Variants in UBE3A observed in about 807,000 individuals in gnomAD.
The protein encoded by UBE3A is ubiquitin-protein ligase E3A.
A neutral mutation model predicts 83.4 loss-of-function variants in UBE3A; 6 were observed. The ratio of observed to expected loss-of-function variants is 0.07; its 90% confidence interval spans 0.04 to 0.14. The LOEUF (loss-of-function observed/expected upper bound fraction) is 0.14, where lower values mean the gene tolerates loss of function less well. UBE3A is among the 10% of genes least tolerant of loss of function. UBE3A has a pLI of 1.00. For missense variants in UBE3A, 456 were observed against 1,036.1 expected (o/e 0.44, Z 7.69); for synonymous variants, 337 against 355.4 (o/e 0.95, Z 0.58).
At chr15:25,416,121 T>G (rs2090872296) in intron 1 of UBE3A, among the ~76,000 whole-genome samples, 2 of 152,142 alleles carry the variant, frequency 1.3e-5, no homozygotes, top group African/African-American at 4.8e-5. Flanking sequence ...GAGTATACAC[T>G]AAATATATGC....
chr15:25,376,065 T>C (rs1428798247), intron 4 of UBE3A, among the ~76,000 whole-genome samples: 2 of 152,098 alleles, frequency 1.3e-5, no homozygotes, highest in African/African-American at 4.8e-5. Context: ...TGTGCTTAAG[T>C]TGTTTAGTAC....
intron 4 of UBE3A, among the ~76,000 whole-genome samples, chr15:25,403,435 T>TAC (rs371327639): frequency 0.013 from 1,908 of 151,408 alleles, 27 homozygotes; most frequent in Middle Eastern, 0.034. Flanking sequence ...ACTATTGAAG[T>TAC]ACACACACAC....
At chr15:25,345,926 T>C (rs891269009) in intron 11 of UBE3A, 17 of 151,928 alleles carry the variant, frequency 1.1e-4, no homozygotes, top group African/African-American at 4.1e-4. Context: ...AACAGAACAA[T>C]AATACCAGAA....
intron 4 of UBE3A, among the ~76,000 whole-genome samples, chr15:25,402,034 A>C (rs1007644718): frequency 3.3e-5 from 5 of 152,154 alleles, no homozygotes; most frequent in Admixed American, 3.3e-4. Context: ...CAGTTCATAT[A>C]TCTCCATTTC....
At chr15:25,410,701 T>C (rs535444870) in intron 2 of UBE3A, among the ~76,000 whole-genome samples, 25 of 152,292 alleles carry the variant, frequency 1.6e-4, no homozygotes, top group African/African-American at 5.5e-4. Context: ...TAGGTGAGGA[T>C]TGGCCTGAAT....
chr15:25,432,520 G>A (rs546311070), intron 1 of UBE3A, among the ~76,000 whole-genome samples: 1 of 152,184 alleles, frequency 6.6e-6, no homozygotes. Flanking sequence ...AATATGAAAA[G>A]GAACATCCTG....
chr15:25,406,856 G>GAAAA (rs11413336), intron 3 of UBE3A, among the ~76,000 whole-genome samples: 5 of 114,672 alleles, frequency 4.4e-5, no homozygotes, highest in Non-Finnish European at 5.0e-5. Flanking sequence ...AATGGAAAAG[G>GAAAA]AAAAAAAAAA....
chr15:25,370,746 T>A lies in UBE3A; in HGVS notation c.1428A>T (p.Thr476=). The part of the protein sequence containing the change: ...VETENKFSFM[T]CPFILNAVTK... ...TGACAGCATTCAATATAAAGGGACATGTCATAAAAGAGAATTTGTTCTCTG... is the reference window on the plus strand; with the variant it reads ...TGACAGCATTCAATATAAAGGGACAAGTCATAAAAGAGAATTTGTTCTCTG... Residue 476 remains threonine, a synonymous_variant, in exon 6 of 13, where the codon ACA becomes ACT. Transcript: ENST00000648336. This position sits in a 1 kb window ranked among gnomAD's most constrained non-coding sequence, Gnocchi z 4.2. 1 of 1,614,188 alleles carries A rather than the reference T, an allele frequency of 6.2e-7. No homozygotes were observed. The highest frequency in any genetic ancestry group is 8.5e-7 in the Non-Finnish European group (1 of 1,180,014).
Position 25,370,720 on chromosome 15 carries a change from G to A in UBE3A, c.1454C>T (p.Thr485Ile). Residue 485 changes from threonine to isoleucine, a missense_variant, in exon 6 of 13, where the codon ACA becomes ATA. Around this residue, in one of 13 missense-constraint regions of UBE3A, gnomAD observed 58 missense variants for 237.1 expected, o/e 0.24. Coordinates refer to ENST00000648336, the MANE Select transcript of UBE3A (RefSeq NM_130839.5). This position sits in a 1 kb window ranked among gnomAD's most constrained non-coding sequence, Gnocchi z 4.2. The stretch of plus-strand genomic sequence containing the variant: ...GTCATAATATAATCCCAAATTCTTT[G>A]TGACAGCATTCAATATAAAGGGACA... ...MTCPFILNAV[T>I]KNLGLYYDNR... is the part of the protein sequence containing the mutation. 6.2e-7 allele frequency: 1 copy of A among 1,613,976 alleles called. No homozygotes were observed. The highest frequency in any genetic ancestry group is 8.5e-7 in the Non-Finnish European group (1 of 1,179,958).
At chr15:25,356,133 G>A in intron 8 of UBE3A, 77 bp from the exon 9 acceptor site, 1 of 1,532,830 alleles carries the variant, frequency 6.5e-7, no homozygotes, top group East Asian at 2.3e-5. Flanking sequence ...ACTCTTCTTA[G>A]AAGACAACAA....
At chr15:25,358,997 T>C (rs986906455) in intron 7 of UBE3A, among the ~76,000 whole-genome samples, 6 of 152,190 alleles carry the variant, frequency 3.9e-5, no homozygotes, top group Admixed American at 1.3e-4. Flanking sequence ...TGCCCTTCCT[T>C]GGAACCAAGA....
intron 6 of UBE3A, among the ~76,000 whole-genome samples, chr15:25,368,313 C>T (rs947864962): frequency 1.3e-5 from 2 of 152,018 alleles, no homozygotes; most frequent in African/African-American, 4.8e-5. Context: ...AAAAATTACA[C>T]AGGTTATCAA....
intron 6 of UBE3A, among the ~76,000 whole-genome samples, chr15:25,363,023 T>C (rs1664849795): frequency 1.3e-5 from 2 of 152,210 alleles, no homozygotes; most frequent in African/African-American, 4.8e-5. Context: ...GGTGAATTTC[T>C]ACAGGATTGA....
chr15:25,410,773 G>A (rs1198166291), intron 2 of UBE3A, among the ~76,000 whole-genome samples: 3 of 152,032 alleles, frequency 2.0e-5, no homozygotes, highest in African/African-American at 4.8e-5. Context: ...AAGAAATAAC[G>A]CAATCTCCCA....
At position 25,336,386 on chromosome 15, in the gene UBE3A, A is replaced by G. The variant is rs990281672; in HGVS notation, c.*2751T>C. 6.6e-6 allele frequency: 1 copy of G among 152,230 alleles called. No homozygotes were observed. The highest frequency in any genetic ancestry group is 6.5e-5 in the Admixed American group (1 of 15,276). The allele number at this position is 152,230 out of a possible 1,614,324, so 9.4% of individuals were successfully genotyped here. The stretch of plus-strand genomic sequence containing the variant: ...ACAGTTTGTATGGAATTCTTGAGAA[A>G]AATTCCTCGAAGGGGCCTGAAATCT... On this transcript the variant is annotated 3_prime_UTR_variant, in exon 13 of 13. Coordinates refer to ENST00000648336, the MANE Select transcript of UBE3A (RefSeq NM_130839.5).
chr15:25,426,146 T>C (rs1457603191), intron 1 of UBE3A, among the ~76,000 whole-genome samples: 1 of 145,896 alleles, frequency 6.9e-6, no homozygotes, highest in Non-Finnish European at 1.6e-5. Flanking sequence ...TTTACTTAAG[T>C]GTTTTATTAC....
chr15:25,363,260 CATA>C (rs766216814), intron 6 of UBE3A, among the ~76,000 whole-genome samples: 4 of 118,034 alleles, frequency 3.4e-5, no homozygotes, highest in Non-Finnish European at 7.7e-5. Context: ...GTAAAATAAC[CATA>C]ATAATATAGT....
chr15:25,344,894 A>T (rs570260665), intron 11 of UBE3A, among the ~76,000 whole-genome samples: 2 of 152,276 alleles, frequency 1.3e-5, no homozygotes, highest in Middle Eastern at 3.4e-3. Flanking sequence ...TAAATACGAA[A>T]ATCAGGTGAA....
intron 1 of UBE3A, among the ~76,000 whole-genome samples, chr15:25,422,524 G>A (rs966022468): frequency 3.3e-5 from 5 of 152,016 alleles, no homozygotes; most frequent in African/African-American, 1.2e-4. Context: ...AGCTACCCAA[G>A]TGGAAGAAAA....
Sources: allele counts gnomAD v4.1 joint callset (sites outside exome capture counted in the v4.1 genomes callset), GRCh38; gene constraint gnomAD v4.1.1; regional missense constraint gnomAD v4.1.1; non-coding constraint Gnocchi (gnomAD v3.1); transcripts MANE v1.5; gene names NCBI Gene and HGNC (gene_info 2026-07-23, HGNC 2026-07-21).